The following PPFIA3 variants were observed in gnomAD, a reference collection of about 807,000 sequenced individuals.
PPFIA3 encodes the protein PPFI scaffold protein A3.
In PPFIA3, 26 loss-of-function variants were observed where a neutral mutation model predicts 145.8. The observed-to-expected ratio is 0.18, with a 90% CI of 0.13 to 0.25. The LOEUF is 0.25. PPFIA3 is among the 10% of genes least tolerant of loss of function. The probability of loss-of-function intolerance (pLI) is 1.00; values close to 1 mark genes in which losing one functional copy is unlikely to be tolerated. For missense variants in PPFIA3, 1,008 were observed against 1,587.8 expected, an observed-to-expected ratio of 0.63 and a Z score of 6.21; for synonymous variants, 645 against 661.4, an observed-to-expected ratio of 0.98 and a Z score of 0.38.
rs769293587 is a variant in PPFIA3, at chr19:49,136,929, C to T, written c.1853+18C>T. The stretch of plus-strand genomic sequence containing the variant: ...GAGATCAAGTGAGCCCTGGCCCCGC[C>T]CCGGCCTGCCCTGCCCTGCCGGAGC... On this transcript the variant is annotated intron_variant, in intron 15 of 29. Transcript: ENST00000334186. 7.0e-5 allele frequency: 105 copies of T among 1,492,630 alleles called. No homozygotes were observed. Among genetic ancestry groups the T allele is most frequent in the Middle Eastern group, 4.8e-4 (2 of 4,174 alleles). 92.5% of individuals were successfully genotyped at this position (1,492,630 alleles called of 1,614,324 possible). A position where few individuals can be genotyped will look rare whatever the true frequency, so the allele number is the denominator to read the frequency against.
chr19:49,126,272 G>A (rs1258883075), intron 1 of PPFIA3, among the ~76,000 whole-genome samples: 2 of 146,774 alleles, frequency 1.4e-5, no homozygotes, highest in African/African-American at 5.0e-5. Flanking sequence ...TTTTTGAAAT[G>A]GAATCTCACA....
Position 49,138,579 on chromosome 19 carries a change from G to A in PPFIA3, c.2076+152G>A, listed in dbSNP as rs548057324. The stretch of plus-strand genomic sequence containing the variant: ...AAAGGTTCAAACTCAAAGGGCAAAG[G>A]GGAGGCTGAGTCACTGGGATCTTGA... On this transcript the variant is annotated intron_variant, in intron 16 of 29. Coordinates refer to ENST00000334186, the MANE Select transcript of PPFIA3 (RefSeq NM_003660.4). 379 of 547,158 alleles carry A rather than the reference G, an allele frequency of 6.9e-4. 1 individual carries two copies. The highest frequency in any genetic ancestry group is 6.8e-3 in the African/African-American group (351 of 51,502). The allele number at this position is 547,158 out of a possible 1,614,324, so 33.9% of individuals were successfully genotyped here. A position where few individuals can be genotyped will look rare whatever the true frequency, so the allele number is the denominator to read the frequency against.
intron 7 of PPFIA3, among the ~76,000 whole-genome samples, chr19:49,131,854 C>CA (rs1296498293): frequency 2.7e-5 from 4 of 146,496 alleles, no homozygotes; most frequent in South Asian, 2.2e-4. Context: ...ACTAAAAATA[C>CA]AAAAAATTAG....
chr19:49,148,931 GGGCTAAACTGAACTCTCCA>G, intron 25 of PPFIA3, 43 bp from the exon 26 acceptor site: 1 of 1,595,042 alleles, frequency 6.3e-7, no homozygotes, highest in Non-Finnish European at 8.6e-7. Context: ...GTGGAGGTAT[GGGCTAAACTGAACTCTCCA>G]GGCCACGGGA....
intron 7 of PPFIA3, among the ~76,000 whole-genome samples, chr19:49,132,179 G>C (rs546077222): frequency 6.6e-6 from 1 of 151,826 alleles, no homozygotes; most frequent in African/African-American, 2.4e-5. Context: ...CCTGAGGTCA[G>C]GAGTTCAAGA....
At position 49,138,571 on chromosome 19, in the gene PPFIA3, G is replaced by C. The variant is rs911781744; in HGVS notation, c.2076+144G>C. 4.5e-5 allele frequency: 26 copies of C among 577,184 alleles called. No homozygotes were observed. The African/African-American group carries it at 4.8e-4, about 11-fold the overall frequency. The allele number at this position is 577,184 out of a possible 1,614,324, so 35.8% of individuals were successfully genotyped here. Reference sequence around the variant, plus strand: ...CTTTCCCTAAAGGTTCAAACTCAAAGGGCAAAGGGGAGGCTGAGTCACTGG... The same window carrying C: ...CTTTCCCTAAAGGTTCAAACTCAAACGGCAAAGGGGAGGCTGAGTCACTGG... On this transcript the variant is annotated intron_variant, in intron 16 of 29. Coordinates refer to ENST00000334186, the MANE Select transcript of PPFIA3 (RefSeq NM_003660.4).
In PPFIA3 at chr19:49,128,175, G is replaced by T; in HGVS notation, c.240+62G>T. 1 of 1,467,362 alleles carries T rather than the reference G, an allele frequency of 6.8e-7. No homozygotes were observed. 90.9% of individuals were successfully genotyped at this position (1,467,362 alleles called of 1,614,324 possible). A position where few individuals can be genotyped will look rare whatever the true frequency, so the allele number is the denominator to read the frequency against. On this transcript the variant is annotated intron_variant, in intron 2 of 29. Coordinates refer to ENST00000334186, the MANE Select transcript of PPFIA3 (RefSeq NM_003660.4). This position sits in a 1 kb window ranked among gnomAD's most constrained non-coding sequence, Gnocchi z 4.1. ...GGCCTCGGGGGGAAGAAGGCGGTCC[G>T]GAAGGGGCCGGGCTTGGCGCCTGGA...
chr19:49,142,899 G>A lies in PPFIA3; in HGVS notation c.2640G>A (p.Gln880=), dbSNP rs1715640404. ...IMANLSDTEI[Q]REIGISNPLH... ...CCAACCTGTCAGACACGGAGATCCA[G>A]CGCGAGATCGGCATCAGCAACCCGC... is the stretch of plus-strand genomic sequence containing the variant. The change falls in exon 21 of 30, where the codon CAG becomes CAA. Residue 880 remains glutamine, a synonymous_variant. Coordinates refer to ENST00000334186, the MANE Select transcript of PPFIA3 (RefSeq NM_003660.4). 3 of 1,613,930 alleles carry A rather than the reference G, an allele frequency of 1.9e-6. No homozygotes were observed. Among genetic ancestry groups the A allele is most frequent in the Non-Finnish European group, 2.5e-6 (3 of 1,180,032 alleles).
chr19:49,135,960 C>T, intron 14 of PPFIA3, 37 bp downstream of exon 14: 1 of 1,538,856 alleles, frequency 6.5e-7, no homozygotes, highest in South Asian at 1.2e-5. Context: ...CTGAGCAGGG[C>T]TTGGGCGGGC....
In PPFIA3 at chr19:49,128,258, A is replaced by C. The variant is rs963410156; in HGVS notation, c.241-109A>C. 2.7e-4 allele frequency: 402 copies of C among 1,491,032 alleles called. No individual in the cohort carries two copies. The highest frequency in any genetic ancestry group is 3.9e-4 in the South Asian group (33 of 84,760). The allele number at this position is 1,491,032 out of a possible 1,614,324, so 92.4% of individuals were successfully genotyped here. On this transcript the variant is annotated intron_variant, in intron 2 of 29. Transcript: ENST00000334186. The surrounding 1 kb of genome is among the most constrained non-coding windows in gnomAD (Gnocchi z 4.1). The stretch of plus-strand genomic sequence containing the variant: ...GGGCGGGGCCTGAGTGGCAAGGGAC[A>C]GCGGGACTTAGCAGGGAGGGCGGGA...
At position 49,138,433 on chromosome 19, in the gene PPFIA3, T is replaced by C; in HGVS notation, c.2076+6T>C. 1 of 1,513,734 alleles carries C rather than the reference T, an allele frequency of 6.6e-7. No individual in the cohort carries two copies. Among genetic ancestry groups the C allele is most frequent in the East Asian group, 2.3e-5 (1 of 42,754 alleles). 93.8% of individuals were successfully genotyped at this position (1,513,734 alleles called of 1,614,324 possible). On this transcript the variant is annotated splice_donor_region_variant and intron_variant, in intron 16 of 29. Coordinates refer to ENST00000334186, the MANE Select transcript of PPFIA3 (RefSeq NM_003660.4). ...GTGAGGGCACCGACAAGGCTGTGAG[T>C]GCTCTGAAGTCTCCCCAGCCTAGTA...
In PPFIA3 at chr19:49,149,415, C is replaced by A. The variant is rs2041317265; in HGVS notation, c.3354+90C>A. 2.5e-6 allele frequency: 4 copies of A among 1,586,234 alleles called. No homozygotes were observed. In the East Asian group the frequency reaches 6.7e-5, roughly 27 times the overall value. Reference sequence around the variant, plus strand: ...GGCGGGGCCTGACTATTAATGGTCACGGTTGGAGGCGGGGCCAGGAGAGGG... The same window carrying A: ...GGCGGGGCCTGACTATTAATGGTCAAGGTTGGAGGCGGGGCCAGGAGAGGG... On this transcript the variant is annotated intron_variant, in intron 27 of 29. Transcript: ENST00000334186. This position sits in a 1 kb window ranked among gnomAD's most constrained non-coding sequence, Gnocchi z 5.7.
At position 49,119,650 on chromosome 19, in the gene PPFIA3, G is replaced by A. The variant is rs1435242742; in HGVS notation, c.-88G>A. 9.3e-6 allele frequency: 1 copy of A among 107,198 alleles called. No individual in the cohort carries two copies. Among genetic ancestry groups the A allele is most frequent in the African/African-American group, 3.5e-5 (1 of 28,698 alleles). The allele number at this position is 107,198 out of a possible 1,614,324, so 6.6% of individuals were successfully genotyped here. ...GGCCCCGGCCGCTGCCAGGGGCCCCGCCCGGCCCCCCCACTCCACCCCACG... is the reference window on the plus strand; with the variant it reads ...GGCCCCGGCCGCTGCCAGGGGCCCCACCCGGCCCCCCCACTCCACCCCACG... On this transcript the variant is annotated 5_prime_UTR_variant, in exon 1 of 30. Transcript: ENST00000334186.
At chr19:49,135,638 G>A (rs184485574) in intron 13 of PPFIA3, 141 bp from the exon 14 acceptor site, 94 of 864,424 alleles carry the variant, frequency 1.1e-4, no homozygotes, top group Non-Finnish European at 1.5e-4. Flanking sequence ...CCAAAGTGCT[G>A]GGATTGCAGG....
rs912577154 is a variant in PPFIA3 at position 49,130,986 on chromosome 19, C to G, written c.879+387C>G. Among the ~76,000 whole-genome samples, 9 of 150,454 alleles carry G rather than the reference C, an allele frequency of 6.0e-5. No homozygotes were observed. The highest frequency in any genetic ancestry group is 6.9e-3 in the Middle Eastern group (2 of 288). On this transcript the variant is annotated intron_variant, in intron 7 of 29. Transcript: ENST00000334186. This position sits in a 1 kb window ranked among gnomAD's most constrained non-coding sequence, Gnocchi z 4.5. Reference sequence around the variant, plus strand: ...AAGAGATTCTCCTGCCTCAGCCTCCCAAGTAGCTAGAACTACAGGCACCTG... The same window carrying G: ...AAGAGATTCTCCTGCCTCAGCCTCCGAAGTAGCTAGAACTACAGGCACCTG...
chr19:49,119,972 C>A (rs1045425851), intron 1 of PPFIA3, among the ~76,000 whole-genome samples: 2 of 151,982 alleles, frequency 1.3e-5, no homozygotes, highest in Non-Finnish European at 2.9e-5. Context: ...ATTTCCCGGT[C>A]CGGCCCCGGG....
chr19:49,141,612 G>GT, intron 19 of PPFIA3, 99 bp downstream of exon 19: 1 of 933,110 alleles, frequency 1.1e-6, no homozygotes, highest in Non-Finnish European at 1.6e-6. Context: ...GTGTGTGTGT[G>GT]TGTGAGAGGG....
chr19:49,133,712 G>T lies in PPFIA3; in HGVS notation c.1162-84G>T. 1 of 1,405,534 alleles carries T rather than the reference G, an allele frequency of 7.1e-7. No individual in the cohort carries two copies. The highest frequency in any genetic ancestry group is 1.2e-5 in the South Asian group (1 of 83,722). The allele number at this position is 1,405,534 out of a possible 1,614,324, so 87.1% of individuals were successfully genotyped here. ...GCCTGGCGCTGTGGGGGCGGAGCCT[G>T]GCGCTCAGCCTTGGAGGAGGTGGGG... is the stretch of plus-strand genomic sequence containing the variant. On this transcript the variant is annotated intron_variant, in intron 9 of 29. Coordinates refer to ENST00000334186, the MANE Select transcript of PPFIA3 (RefSeq NM_003660.4). This position sits in a 1 kb window ranked among gnomAD's most constrained non-coding sequence, Gnocchi z 7.2.
At chr19:49,146,027 C>T (rs1289381248) in intron 22 of PPFIA3, 22 bp downstream of exon 22, 1 of 1,612,980 alleles carries the variant, frequency 6.2e-7, no homozygotes, top group African/African-American at 1.3e-5. Flanking sequence ...CTGCCGGCCG[C>T]CTTGGGGGTG....
Sources: gnomAD v4.1 joint callset for allele counts (sites outside exome capture counted in the v4.1 genomes callset) on GRCh38, gnomAD v4.1.1 for gene constraint, Gnocchi (gnomAD v3.1) non-coding constraint, MANE v1.5 for transcripts, NCBI Gene and HGNC (gene_info 2026-07-23, HGNC 2026-07-21) for gene names.